The following NXPE2 variants were observed in gnomAD, a reference collection of about 807,000 sequenced individuals.
The protein encoded by NXPE2 is NXPE family member 2.
In NXPE2, 34 loss-of-function variants were observed where a neutral mutation model predicts 34.4. The observed-to-expected ratio is 0.99, with a 90% CI of 0.75 to 1.31. The LOEUF (loss-of-function observed/expected upper bound fraction) is 1.31. Ranked by LOEUF, NXPE2 falls within the 40% of genes most tolerant of loss-of-function variation. The probability of loss-of-function intolerance (pLI) is 0.00; values close to 1 mark genes in which losing one functional copy is unlikely to be tolerated. For synonymous variants in NXPE2, 235 were observed against 231.3 expected (o/e 1.02, Z -0.15); for missense variants, 649 against 672.5 (o/e 0.97, Z 0.39).
the NXPE2 span, among the ~76,000 whole-genome samples, chr11:114,629,534 G>C: frequency 6.6e-6 from 1 of 151,612 alleles, no homozygotes; most frequent in Admixed American, 6.6e-5. Context: ...AATAATAAGA[G>C]CTATCTATGA....
the NXPE2 span, among the ~76,000 whole-genome samples, chr11:114,508,120 A>G: frequency 1.3e-5 from 2 of 152,206 alleles, no homozygotes; most frequent in African/African-American, 4.8e-5. Flanking sequence ...CAAGAGCCAA[A>G]ACAGGTACAA....
the NXPE2 span, among the ~76,000 whole-genome samples, chr11:114,630,638 A>G: frequency 9.9e-5 from 15 of 151,432 alleles, no homozygotes; most frequent in South Asian, 3.1e-3. Flanking sequence ...CTAAAACACC[A>G]AAAGCAATGG....
At chr11:114,519,156 T>C in the NXPE2 span, among the ~76,000 whole-genome samples, 1 of 152,232 alleles carries the variant, frequency 6.6e-6, no homozygotes, top group Non-Finnish European at 1.5e-5. Flanking sequence ...TGACAAATGT[T>C]AAATTTGGAT....
the NXPE2 span, chr11:114,530,489 C>T: frequency 1.8e-5 from 29 of 1,613,968 alleles, no homozygotes; most frequent in South Asian, 2.2e-5. Context: ...AGACCTGGCC[C>T]TCCCAGAACA....
At chr11:114,492,163 A>G in the NXPE2 span, among the ~76,000 whole-genome samples, 2 of 152,164 alleles carry the variant, frequency 1.3e-5, no homozygotes, top group Non-Finnish European at 2.9e-5. Context: ...GTATAATAAT[A>G]ATAAAATAAA....
chr11:114,534,649 A>G, the NXPE2 span, among the ~76,000 whole-genome samples: 1 of 152,264 alleles, frequency 6.6e-6, no homozygotes, highest in African/African-American at 2.4e-5. Flanking sequence ...CACAAGCTTC[A>G]GTAACCGATG....
At chr11:114,731,943 T>C in the NXPE2 span, among the ~76,000 whole-genome samples, 2 of 152,212 alleles carry the variant, frequency 1.3e-5, no homozygotes, top group African/African-American at 4.8e-5. Flanking sequence ...TGAATCTTGG[T>C]GTAATCTGCT....
chr11:114,776,893 A>AT, the NXPE2 span, among the ~76,000 whole-genome samples: 1 of 152,228 alleles, frequency 6.6e-6, no homozygotes, highest in African/African-American at 2.4e-5. Context: ...TAACAGCTGC[A>AT]TTTTTTCAAA....
chr11:114,773,289 C>CCCA, the NXPE2 span, among the ~76,000 whole-genome samples: 214 of 44,292 alleles, frequency 4.8e-3, no homozygotes, highest in Middle Eastern at 0.02. Flanking sequence ...ACCCCCCCCC[C>CCCA]ACCCCATTCT....
At chr11:114,643,020 G>A in the NXPE2 span, among the ~76,000 whole-genome samples, 2 of 152,116 alleles carry the variant, frequency 1.3e-5, no homozygotes, top group South Asian at 4.1e-4. Context: ...CAGTGATGAT[G>A]AGCATTTTTT....
At position 114,698,701 on chromosome 11, in the gene NXPE2, T is replaced by G. The variant is rs1951309199; in HGVS notation, c.789T>G (p.Cys263Trp). ...FYCVRPQHMPCEALTHMTTRT... is the reference protein window; with the variant it reads ...FYCVRPQHMPWEALTHMTTRT... ...GTGTGAGGCCTCAACATATGCCCTG[T>G]GAGGCCTTGACCCACATGACCACTA... The change falls in exon 3 of 6, where the codon TGT becomes TGG. Residue 263 changes from cysteine to tryptophan, a missense_variant. Coordinates refer to ENST00000389586, the MANE Select transcript of NXPE2 (RefSeq NM_182495.6). 1.2e-6 allele frequency: 2 copies of G among 1,613,912 alleles called. No individual in the cohort carries two copies. The highest frequency in any genetic ancestry group is 4.5e-5 in the East Asian group (2 of 44,882).
At chr11:114,641,363 A>G in the NXPE2 span, among the ~76,000 whole-genome samples, 3 of 152,218 alleles carry the variant, frequency 2.0e-5, no homozygotes, top group South Asian at 6.2e-4. Context: ...AAACCCAAAA[A>G]TAGACTACAT....
At chr11:114,537,143 T>C in the NXPE2 span, among the ~76,000 whole-genome samples, 7 of 152,114 alleles carry the variant, frequency 4.6e-5, no homozygotes, top group East Asian at 3.8e-4. Context: ...AATCAATAAA[T>C]GTAATCCAGC....
At chr11:114,585,589 A>G in the NXPE2 span, among the ~76,000 whole-genome samples, 2 of 152,090 alleles carry the variant, frequency 1.3e-5, no homozygotes, top group Non-Finnish European at 2.9e-5. Context: ...TGACAAATAT[A>G]TGTACGTGTG....
chr11:114,706,319 T>G lies in NXPE2; in HGVS notation c.1145-76T>G, dbSNP rs185682755. ...GTTAGAAGTGATCTTGGTTAGAATTTTATACATGTTGTGTGCAGTTTAAAG... is the reference window on the plus strand; with the variant it reads ...GTTAGAAGTGATCTTGGTTAGAATTGTATACATGTTGTGTGCAGTTTAAAG... On this transcript the variant is annotated intron_variant, in intron 5 of 5. Coordinates refer to ENST00000389586, the MANE Select transcript of NXPE2 (RefSeq NM_182495.6). 484 of 1,253,066 alleles carry G rather than the reference T, an allele frequency of 3.9e-4. 4 individuals carry two copies. The African/African-American group carries it at 5.9e-3, about 15-fold the overall frequency. 77.6% of individuals were successfully genotyped at this position (1,253,066 alleles called of 1,614,324 possible). A position where few individuals can be genotyped will look rare whatever the true frequency, so the allele number is the denominator to read the frequency against.
At chr11:114,679,824 C>A in intron 2 of NXPE2, 62 bp downstream of exon 2, 2 of 927,698 alleles carry the variant, frequency 2.2e-6, no homozygotes, top group Non-Finnish European at 1.7e-6. Context: ...TGAATGACCC[C>A]CTTTATCATG....
the NXPE2 span, among the ~76,000 whole-genome samples, chr11:114,499,370 C>G: frequency 6.6e-6 from 1 of 151,930 alleles, no homozygotes; most frequent in Non-Finnish European, 1.5e-5. Context: ...TTCTCTTGAT[C>G]TCTTAGGTTT....
the NXPE2 span, among the ~76,000 whole-genome samples, chr11:114,733,584 G>GT: frequency 6.6e-6 from 1 of 152,084 alleles, no homozygotes; most frequent in Non-Finnish European, 1.5e-5. Flanking sequence ...CTTGGGTGCC[G>GT]TAAGTTATCT....
At chr11:114,569,296 A>T in the NXPE2 span, among the ~76,000 whole-genome samples, 1 of 152,184 alleles carries the variant, frequency 6.6e-6, no homozygotes, top group East Asian at 1.9e-4. Flanking sequence ...TTTTTGATCA[A>T]GTCTTGGGAA....
Sources: gnomAD v4.1 joint callset for allele counts (sites outside exome capture counted in the v4.1 genomes callset) on GRCh38, gnomAD v4.1.1 for gene constraint, MANE v1.5 for transcripts, NCBI Gene and HGNC (gene_info 2026-07-23, HGNC 2026-07-21) for gene names.